The following BACH2 variants were observed in gnomAD, a reference collection of about 807,000 sequenced individuals.
BACH2 encodes the protein BACH transcriptional regulator 2.
BACH2 carries 5 observed loss-of-function variants against 61.8 expected under a neutral mutation model. That is an observed-to-expected ratio of 0.08 (90% CI 0.04 to 0.17). The LOEUF (loss-of-function observed/expected upper bound fraction) is 0.17. Among genes scored for constraint, BACH2 ranks in the 10% least tolerant of loss-of-function variants. BACH2 has a pLI of 1.00. For synonymous variants in BACH2, 446 were observed against 440.1 expected (o/e 1.01, Z -0.17); for missense variants, 824 against 1,091.1 (o/e 0.76, Z 3.45).
chr6:90,024,206 A>G (rs1457187288), intron 5 of BACH2, among the ~76,000 whole-genome samples: 1 of 152,190 alleles, frequency 6.6e-6, no homozygotes, highest in Non-Finnish European at 1.5e-5. Context: ...CAACTCAAGT[A>G]TTGAGCACCT....
chr6:90,077,789 C>A (rs1465523717), intron 5 of BACH2, among the ~76,000 whole-genome samples: 1 of 152,166 alleles, frequency 6.6e-6, no homozygotes, highest in Non-Finnish European at 1.5e-5. Context: ...AGTTAAGATA[C>A]AGTCATAACT....
At chr6:89,991,913 A>G (rs1188184014) in intron 6 of BACH2, among the ~76,000 whole-genome samples, 1 of 152,124 alleles carries the variant, frequency 6.6e-6, no homozygotes, top group Non-Finnish European at 1.5e-5. Flanking sequence ...AGTTAATCTA[A>G]TCTATTTGTT....
intron 4 of BACH2, among the ~76,000 whole-genome samples, chr6:90,176,798 G>A (rs1767997725): frequency 1.3e-5 from 2 of 152,084 alleles, no homozygotes. Flanking sequence ...TCCAGTTCAT[G>A]CTTCACGTAG....
chr6:90,183,867 C>G (rs972128733), intron 4 of BACH2, among the ~76,000 whole-genome samples: 2 of 152,196 alleles, frequency 1.3e-5, no homozygotes, highest in Non-Finnish European at 2.9e-5. Flanking sequence ...TTCATGATCT[C>G]CCACTGGAAT....
intron 5 of BACH2, among the ~76,000 whole-genome samples, chr6:90,013,935 T>C (rs975727991): frequency 6.6e-6 from 1 of 152,058 alleles, no homozygotes; most frequent in Non-Finnish European, 1.5e-5. Flanking sequence ...TGCACCACCA[T>C]ACCTGGCTAA....
chr6:90,118,867 C>T (rs898245658), intron 4 of BACH2, among the ~76,000 whole-genome samples: 2 of 152,174 alleles, frequency 1.3e-5, no homozygotes, highest in African/African-American at 4.8e-5. Context: ...TGGTTCTAAG[C>T]TCTGCCATTC....
intron 6 of BACH2, among the ~76,000 whole-genome samples, chr6:89,981,377 G>A (rs1424455412): frequency 6.6e-6 from 1 of 151,960 alleles, no homozygotes; most frequent in Non-Finnish European, 1.5e-5. Context: ...TCCTGACCTC[G>A]TGATTTGCCC....
intron 5 of BACH2, among the ~76,000 whole-genome samples, chr6:90,009,911 C>T (rs1278895927): frequency 5.3e-5 from 8 of 152,296 alleles, no homozygotes; most frequent in East Asian, 1.9e-4. Flanking sequence ...GTGATCCACC[C>T]GCCTCGGCCT....
At chr6:90,149,856 T>C (rs1459262616) in intron 4 of BACH2, among the ~76,000 whole-genome samples, 1 of 152,188 alleles carries the variant, frequency 6.6e-6, no homozygotes, top group Non-Finnish European at 1.5e-5. Flanking sequence ...GCTGCTGCTA[T>C]CCTGGCTATC....
intron 5 of BACH2, among the ~76,000 whole-genome samples, chr6:90,071,426 C>A (rs1373906191): frequency 1.3e-5 from 2 of 152,218 alleles, no homozygotes; most frequent in African/African-American, 2.4e-5. Flanking sequence ...ACAAAGAAGC[C>A]TTCTTGGAGA....
At position 90,258,873 on chromosome 6, in the gene BACH2, GA is replaced by G. The variant is rs528590405; in HGVS notation, c.-352-6284del. Among the ~76,000 whole-genome samples, 605 of 151,750 alleles carry G rather than the reference GA, an allele frequency of 4.0e-3. 4 individuals carry two copies. The highest frequency in any genetic ancestry group is 0.013 in the African/African-American group (550 of 41,384). ...TTTTCAAACAGACTGTAATTGGTAT[GA>G]AAAAAAACGCAACTGATTTTGCATG... On this transcript the variant is annotated intron_variant, in intron 2 of 8. Transcript: ENST00000257749.
intron 6 of BACH2, among the ~76,000 whole-genome samples, chr6:89,978,947 G>C (rs943553175): frequency 6.6e-6 from 1 of 152,184 alleles, no homozygotes; most frequent in South Asian, 2.1e-4. Context: ...TGTGAACTCC[G>C]AGGGGGTTGG....
chr6:89,961,398 G>C (rs543923123), intron 6 of BACH2, among the ~76,000 whole-genome samples: 1 of 152,050 alleles, frequency 6.6e-6, no homozygotes, highest in Admixed American at 6.5e-5. Flanking sequence ...GGTTTCATTC[G>C]AAAAACTGCC....
chr6:89,932,040 T>C lies in BACH2; in HGVS notation c.*368A>G, dbSNP rs529722120. On this transcript the variant is annotated 3_prime_UTR_variant, in exon 9 of 9. Coordinates refer to ENST00000257749, the MANE Select transcript of BACH2 (RefSeq NM_021813.4). ...TAGAAGCTGTCTTCAATGAAAAAAA[T>C]TGAACATTCAGAAGAAATTCCTGAG... The C allele has an allele frequency of 3.8e-5, 7 of 184,458 alleles. No homozygotes were observed. The highest frequency in any genetic ancestry group is 2.6e-4 in the South Asian group (2 of 7,748). 11.4% of individuals were successfully genotyped at this position (184,458 alleles called of 1,614,324 possible).
chr6:90,022,112 T>C (rs1778405731), intron 5 of BACH2, among the ~76,000 whole-genome samples: 1 of 152,178 alleles, frequency 6.6e-6, no homozygotes, highest in Non-Finnish European at 1.5e-5. Context: ...TGCTGAAAAA[T>C]ATACCAAAAA....
At chr6:89,968,295 C>T (rs932206299) in intron 6 of BACH2, among the ~76,000 whole-genome samples, 2 of 152,226 alleles carry the variant, frequency 1.3e-5, no homozygotes, top group African/African-American at 4.8e-5. Flanking sequence ...CATTTAATCA[C>T]AGGAGGGCTG....
At chr6:89,964,281 G>A (rs1774926839) in intron 6 of BACH2, among the ~76,000 whole-genome samples, 1 of 151,690 alleles carries the variant, frequency 6.6e-6, no homozygotes, top group African/African-American at 2.4e-5. Context: ...CAGGGGCTGG[G>A]GGAAGAAAAA....
chr6:90,161,291 G>T (rs1785183523), intron 4 of BACH2, among the ~76,000 whole-genome samples: 1 of 152,104 alleles, frequency 6.6e-6, no homozygotes, highest in Non-Finnish European at 1.5e-5. Flanking sequence ...GATTATTTTT[G>T]CAGGTGTATT....
At chr6:90,213,007 C>T (rs1769409503) in intron 3 of BACH2, among the ~76,000 whole-genome samples, 1 of 152,154 alleles carries the variant, frequency 6.6e-6, no homozygotes, top group Non-Finnish European at 1.5e-5. Context: ...TCGCAGTCTC[C>T]AGTGATTTAG....
Sources: allele counts gnomAD v4.1 joint callset (sites outside exome capture counted in the v4.1 genomes callset), GRCh38; gene constraint gnomAD v4.1.1; transcripts MANE v1.5; gene names NCBI Gene and HGNC (gene_info 2026-07-23, HGNC 2026-07-21).